Variants in ST6GALNAC5 observed in about 807,000 individuals in gnomAD.
ST6GALNAC5 encodes ST6 N-acetylgalactosaminide alpha-2,6-sialyltransferase 5, also known as alpha-N-acetylgalactosaminide alpha-2,6-sialyltransferase 5.
Under a neutral mutation model 33.6 loss-of-function variants are expected in ST6GALNAC5, and 27 were observed. The ratio of observed to expected loss-of-function variants is 0.80; its 90% CI spans 0.59 to 1.11. ST6GALNAC5 has a LOEUF of 1.11. Among genes scored for constraint, ST6GALNAC5 ranks in the 50% least tolerant of loss-of-function variants. The pLI, the probability that ST6GALNAC5 is intolerant of heterozygous loss-of-function variation, is 0.00. For synonymous variants in ST6GALNAC5, 194 were observed against 171.2 expected, an observed-to-expected ratio of 1.13 and a Z score of -1.04; for missense variants, 428 against 454.0, an observed-to-expected ratio of 0.94 and a Z score of 0.52.
chr1:76,935,109 T>G (rs966311573), intron 2 of ST6GALNAC5, among the ~76,000 whole-genome samples: 2 of 152,100 alleles, frequency 1.3e-5, no homozygotes, highest in African/African-American at 4.8e-5. Flanking sequence ...TAGCCTGAGC[T>G]TAGCTGTATA....
intron 2 of ST6GALNAC5, among the ~76,000 whole-genome samples, chr1:76,934,691 G>A (rs1468935916): frequency 6.6e-6 from 1 of 152,000 alleles, no homozygotes; most frequent in East Asian, 1.9e-4. Flanking sequence ...GCCGATGTGA[G>A]AAGTAGTGAA....
intron 2 of ST6GALNAC5, among the ~76,000 whole-genome samples, chr1:76,914,519 C>A (rs1646948716): frequency 6.6e-6 from 1 of 152,052 alleles, no homozygotes; most frequent in South Asian, 2.1e-4. Flanking sequence ...CACAACAGAG[C>A]CCTCAGAAAT....
chr1:77,016,535 C>T (rs886565399), intron 2 of ST6GALNAC5, among the ~76,000 whole-genome samples: 2 of 151,830 alleles, frequency 1.3e-5, no homozygotes, highest in African/African-American at 2.4e-5. Flanking sequence ...ACCCCCTGCC[C>T]CCTGAAAGAA....
At chr1:77,014,086 A>G (rs1250209451) in intron 2 of ST6GALNAC5, among the ~76,000 whole-genome samples, 1 of 152,234 alleles carries the variant, frequency 6.6e-6, no homozygotes, top group Non-Finnish European at 1.5e-5. Context: ...AGAGGGAATC[A>G]GTATAAAATG....
chr1:76,984,492 A>G (rs1102447), intron 2 of ST6GALNAC5, among the ~76,000 whole-genome samples: 6 of 152,216 alleles, frequency 3.9e-5, no homozygotes, highest in Non-Finnish European at 7.3e-5. Flanking sequence ...GAATAGACCA[A>G]TAACAGGCTC....
intron 2 of ST6GALNAC5, among the ~76,000 whole-genome samples, chr1:77,000,848 T>C (rs1650125187): frequency 6.6e-6 from 1 of 152,212 alleles, no homozygotes; most frequent in South Asian, 2.1e-4. Context: ...TCCATTGATC[T>C]ATATCTCTGT....
intron 4 of ST6GALNAC5, among the ~76,000 whole-genome samples, chr1:77,050,999 C>T (rs1052166169): frequency 2.0e-5 from 3 of 152,172 alleles, no homozygotes; most frequent in African/African-American, 7.2e-5. Context: ...CTTGAAAACT[C>T]GCCTGTAATT....
intron 2 of ST6GALNAC5, among the ~76,000 whole-genome samples, chr1:76,953,463 C>T (rs1226306444): frequency 6.6e-6 from 1 of 152,096 alleles, no homozygotes; most frequent in Non-Finnish European, 1.5e-5. Flanking sequence ...TTATTTGCCA[C>T]CTGTATCACC....
At chr1:76,875,320 C>T (rs373356393) in intron 2 of ST6GALNAC5, among the ~76,000 whole-genome samples, 8 of 152,126 alleles carry the variant, frequency 5.3e-5, no homozygotes, top group Admixed American at 1.3e-4. Flanking sequence ...CTGGATTGGG[C>T]GGTTGTAATT....
chr1:76,953,669 T>A (rs1027136641), intron 2 of ST6GALNAC5, among the ~76,000 whole-genome samples: 2 of 152,160 alleles, frequency 1.3e-5, no homozygotes, highest in Non-Finnish European at 2.9e-5. Flanking sequence ...CATAAAAGTT[T>A]CAAATGTTGA....
At chr1:76,919,638 T>A (rs1246929845) in intron 2 of ST6GALNAC5, among the ~76,000 whole-genome samples, 1 of 152,184 alleles carries the variant, frequency 6.6e-6, no homozygotes, top group East Asian at 1.9e-4. Context: ...TAATTCATCT[T>A]AACATCCCCT....
intron 2 of ST6GALNAC5, among the ~76,000 whole-genome samples, chr1:76,917,781 C>A (rs1373891249): frequency 6.6e-6 from 1 of 152,040 alleles, no homozygotes; most frequent in Non-Finnish European, 1.5e-5. Context: ...GGTATAAGTT[C>A]TGATACAAAG....
chr1:77,062,926 G>GA (rs35681650), intron 4 of ST6GALNAC5, 49 bp from the exon 5 acceptor site: 12 of 1,509,260 alleles, frequency 8.0e-6, no homozygotes, highest in South Asian at 3.5e-5. Context: ...TCAGTCAAAG[G>GA]AAAAAAAATT....
rs1379066241 is a variant in ST6GALNAC5 at position 77,054,368 on chromosome 1, G to A, written c.779+4003G>A. Among the ~76,000 whole-genome samples the A allele has an allele frequency of 2.6e-5, 4 of 152,174 alleles. No individual in the cohort carries two copies. The East Asian group carries it at 5.8e-4, about 22-fold the overall frequency. On this transcript the variant is annotated intron_variant, in intron 4 of 4. Transcript: ENST00000477717. ...AAGGAGCCAGGACAACAGGAATATT[G>A]GACCCTTCCACCCGACTTGGTCAGG...
At chr1:76,984,754 C>A (rs1182899692) in intron 2 of ST6GALNAC5, among the ~76,000 whole-genome samples, 1 of 152,140 alleles carries the variant, frequency 6.6e-6, no homozygotes, top group Admixed American at 6.5e-5. Context: ...AACATCAATG[C>A]AAATATCCTC....
intron 2 of ST6GALNAC5, among the ~76,000 whole-genome samples, chr1:76,913,967 C>T: frequency 6.6e-6 from 1 of 152,172 alleles, no homozygotes; most frequent in Non-Finnish European, 1.5e-5. Context: ...CCAAAATCTC[C>T]TTAAACTGAT....
chr1:77,010,210 C>T (rs1432869384), intron 2 of ST6GALNAC5, among the ~76,000 whole-genome samples: 1 of 152,088 alleles, frequency 6.6e-6, no homozygotes, highest in Non-Finnish European at 1.5e-5. Flanking sequence ...AAAATAACAA[C>T]CTTGGGCCGG....
At chr1:77,061,582 C>G (rs981993964) in intron 4 of ST6GALNAC5, among the ~76,000 whole-genome samples, 1 of 152,172 alleles carries the variant, frequency 6.6e-6, no homozygotes, top group African/African-American at 2.4e-5. Context: ...GGCCTTTTCT[C>G]TTCTTAGTCT....
chr1:76,907,848 T>C (rs190735667), intron 2 of ST6GALNAC5, among the ~76,000 whole-genome samples: 6 of 152,244 alleles, frequency 3.9e-5, no homozygotes, highest in Admixed American at 3.3e-4. Flanking sequence ...AGTCTCAAGA[T>C]CATCCCAGTC....
Sources: allele counts gnomAD v4.1 joint callset (sites outside exome capture counted in the v4.1 genomes callset), GRCh38; gene constraint gnomAD v4.1.1; transcripts MANE v1.5; gene names NCBI Gene and HGNC (gene_info 2026-07-23, HGNC 2026-07-21).